TBCE: variants seen among roughly 807,000 people sequenced by gnomAD.
TBCE encodes the protein tubulin folding cofactor E, also known as tubulin-specific chaperone E.
A neutral mutation model predicts 77.0 loss-of-function variants in TBCE; 53 were observed. The observed-to-expected ratio is 0.69, with a 90% CI of 0.55 to 0.87. TBCE has a LOEUF of 0.87. Among genes scored for constraint, TBCE ranks in the 40% least tolerant of loss-of-function variants. The pLI is 0.00. For missense variants in TBCE, 624 were observed against 622.4 expected (o/e 1.00, Z -0.03); for synonymous variants, 235 against 241.3 (o/e 0.97, Z 0.24).
intron 2 of TBCE, among the ~76,000 whole-genome samples, chr1:235,388,283 CTTTTTTTTTTTTTTT>C (rs908940784): frequency 8.5e-6 from 1 of 117,334 alleles, no homozygotes; most frequent in Non-Finnish European, 1.8e-5. Flanking sequence ...TCTGTTACTT[CTTTTTTTTTTTTTTT>C]TTTTTTTGAG....
At chr1:235,398,812 T>C (rs1037949577) in intron 2 of TBCE, among the ~76,000 whole-genome samples, 1 of 149,260 alleles carries the variant, frequency 6.7e-6, no homozygotes, top group Non-Finnish European at 1.5e-5. Context: ...GCCGGGCTTA[T>C]TTTTGTAGTT....
At chr1:235,407,496 G>A (rs897051346) in intron 3 of TBCE, among the ~76,000 whole-genome samples, 6 of 152,194 alleles carry the variant, frequency 3.9e-5, no homozygotes, top group African/African-American at 1.4e-4. Context: ...GTGAGTGACA[G>A]TGGTGGGTAA....
At chr1:235,379,947 C>CAA (rs36068852) in intron 1 of TBCE, 72 bp from the exon 2 acceptor site, 37,468 of 721,796 alleles carry the variant, frequency 0.052, 48 homozygotes, top group East Asian at 0.066. Context: ...GACTGTGCCT[C>CAA]AAAAAAAAAA....
chr1:235,368,327 G>T (rs1676687267), intron 1 of TBCE, among the ~76,000 whole-genome samples: 1 of 152,148 alleles, frequency 6.6e-6, no homozygotes, highest in South Asian at 2.1e-4. Context: ...GGAAGACGGG[G>T]TTAACAAATT....
At chr1:235,412,639 C>A (rs1331391522) in intron 3 of TBCE, among the ~76,000 whole-genome samples, 1 of 151,996 alleles carries the variant, frequency 6.6e-6, no homozygotes, top group Middle Eastern at 3.2e-3. Context: ...TAACTCCCTC[C>A]TGGCCACTTC....
chr1:235,382,373 C>A (rs1185952313), intron 2 of TBCE, among the ~76,000 whole-genome samples: 2 of 152,134 alleles, frequency 1.3e-5, no homozygotes, highest in African/African-American at 2.4e-5. Context: ...AGTTCTAGAT[C>A]CCCAAGGAAT....
At chr1:235,378,280 G>T (rs1677418545) in intron 1 of TBCE, among the ~76,000 whole-genome samples, 1 of 152,146 alleles carries the variant, frequency 6.6e-6, no homozygotes, top group Non-Finnish European at 1.5e-5. Flanking sequence ...GAGCAGAGTG[G>T]CATGATCTTG....
At chr1:235,443,669 T>TA (rs1682053342) in intron 15 of TBCE, among the ~76,000 whole-genome samples, 1 of 152,192 alleles carries the variant, frequency 6.6e-6, no homozygotes, top group African/African-American at 2.4e-5. Flanking sequence ...ACCAAATTCT[T>TA]ACGGGAGGTT....
chr1:235,414,908 G>C (rs1391595823), intron 4 of TBCE: 5 of 374,012 alleles, frequency 1.3e-5, no homozygotes, highest in Non-Finnish European at 2.5e-5. Flanking sequence ...CAAGGCTGAC[G>C]TTTGGGTTCT....
At chr1:235,433,762 T>C (rs2102919293) in intron 7 of TBCE, 1 of 159,686 alleles carries the variant, frequency 6.3e-6, no homozygotes, top group East Asian at 1.8e-4. Flanking sequence ...AAAGAAGAAA[T>C]AATTGTTGAG....
chr1:235,450,131 C>T lies in TBCE; in HGVS notation c.*1369C>T. 1.9e-6 allele frequency: 3 copies of T among 1,560,574 alleles called. No homozygotes were observed. The highest frequency in any genetic ancestry group is 1.4e-5 in the African/African-American group (1 of 73,960). On this transcript the variant is annotated 3_prime_UTR_variant, in exon 17 of 17. Transcript: ENST00000642610. The stretch of plus-strand genomic sequence containing the variant: ...AGACCATACAGTCTACTGCTAAACC[C>T]TGGGACTCCTCAGACTTGCACTCAG...
rs139588507 is a variant in TBCE at position 235,417,284 on chromosome 1, C to T, written c.372-2189C>T. On this transcript the variant is annotated intron_variant, in intron 4 of 16. Coordinates refer to ENST00000642610, the MANE Select transcript of TBCE (RefSeq NM_003193.5). ...TATTTTAAATTTTAGGGGGAAGGAG[C>T]GACATCTGTCGGACACAGTGCAAAC... is the stretch of plus-strand genomic sequence containing the variant. Among the ~76,000 whole-genome samples the T allele has an allele frequency of 2.1e-4, 32 of 152,236 alleles. No homozygotes were observed. In the East Asian group the frequency reaches 6.2e-3, roughly 29 times the overall value.
intron 1 of TBCE, among the ~76,000 whole-genome samples, chr1:235,370,509 C>T (rs977181828): frequency 1.3e-5 from 2 of 151,450 alleles, no homozygotes; most frequent in Non-Finnish European, 2.9e-5. Context: ...CCTCAGCCTC[C>T]CAAAGTGCTG....
chr1:235,442,952 A>C, intron 15 of TBCE, 41 bp downstream of exon 15: 1 of 1,605,604 alleles, frequency 6.2e-7, no homozygotes, highest in Non-Finnish European at 8.5e-7. Flanking sequence ...ACTCTGAATC[A>C]TCGGCCTAGG....
rs577330856 is a variant in TBCE, at chr1:235,402,156, T to C, written c.185+569T>C. Among the ~76,000 whole-genome samples the C allele has an allele frequency of 4.0e-3, 597 of 149,926 alleles. 4 individuals carry two copies. The highest frequency in any genetic ancestry group is 0.014 in the African/African-American group (568 of 40,740). On this transcript the variant is annotated intron_variant, in intron 3 of 16. Transcript: ENST00000642610. ...TCAGCTCACTGCAACCTCCACCTCC[T>C]AGGTTCAAGCAATTCTCCTGCCTCA... is the stretch of plus-strand genomic sequence containing the variant.
At chr1:235,372,657 G>A (rs1420938521) in intron 1 of TBCE, among the ~76,000 whole-genome samples, 2 of 151,944 alleles carry the variant, frequency 1.3e-5, no homozygotes, top group African/African-American at 4.8e-5. Context: ...GGGCACGGTG[G>A]CTCACGTCTG....
chr1:235,401,614 G>A lies in TBCE; in HGVS notation c.185+27G>A, dbSNP rs772949337. The A allele has an allele frequency of 4.2e-5, 66 of 1,558,506 alleles. No homozygotes were observed. The South Asian group carries it at 4.9e-4, about 12-fold the overall frequency. On this transcript the variant is annotated intron_variant, in intron 3 of 16. Transcript: ENST00000642610. ...TAACTTTTCATTATGAATCAGCACG[G>A]TCATTTAGTCAAGATTATATTTAAT...
intron 6 of TBCE, 142 bp from the exon 7 acceptor site, chr1:235,430,563 T>A (rs2102912690): frequency 1.6e-6 from 1 of 625,142 alleles, no homozygotes; most frequent in East Asian, 3.0e-5. Flanking sequence ...ATTAAAAAAG[T>A]GATTTTTAAA....
At chr1:235,433,658 A>G (rs1189652010) in intron 7 of TBCE, 1 of 156,246 alleles carries the variant, frequency 6.4e-6, no homozygotes, top group Non-Finnish European at 1.4e-5. Context: ...GCCCGATCTC[A>G]AAGAACTTTT....
Sources: allele counts gnomAD v4.1 joint callset (sites outside exome capture counted in the v4.1 genomes callset), GRCh38; gene constraint gnomAD v4.1.1; transcripts MANE v1.5; gene names NCBI Gene and HGNC (gene_info 2026-07-23, HGNC 2026-07-21).